Variants in DOCK10 observed in about 807,000 individuals in gnomAD.
DOCK10 encodes dedicator of cytokinesis 10, also known as dedicator of cytokinesis protein 10.
In DOCK10, 145 loss-of-function variants were observed where a neutral mutation model predicts 280.1. The observed-to-expected ratio is 0.52, with a 90% CI of 0.45 to 0.59. The LOEUF is 0.59. Ranked by LOEUF, DOCK10 falls within the 20% of genes least tolerant of loss-of-function variation. The pLI is 0.00. For synonymous variants in DOCK10, 915 were observed against 942.2 expected (o/e 0.97, Z 0.53); for missense variants, 2,368 against 2,651.7 (o/e 0.89, Z 2.35).
At chr2:224,862,968 T>C (rs1283651998) in intron 13 of DOCK10, among the ~76,000 whole-genome samples, 4 of 152,228 alleles carry the variant, frequency 2.6e-5, no homozygotes, top group South Asian at 2.1e-4. Context: ...ATTTCAAATG[T>C]AGAAAATAAT....
At chr2:224,872,243 T>G (rs1347080875) in intron 11 of DOCK10, among the ~76,000 whole-genome samples, 1 of 152,264 alleles carries the variant, frequency 6.6e-6, no homozygotes, top group Non-Finnish European at 1.5e-5. Flanking sequence ...CAATGCAATT[T>G]CTCACATATT....
At chr2:225,006,060 G>C (rs1361146788) in intron 1 of DOCK10, among the ~76,000 whole-genome samples, 1 of 152,006 alleles carries the variant, frequency 6.6e-6, no homozygotes, top group African/African-American at 2.4e-5. Flanking sequence ...TTTTTGGAGG[G>C]GTGAGTATGG....
At chr2:225,030,585 G>A (rs545201145) in intron 1 of DOCK10, among the ~76,000 whole-genome samples, 1 of 152,124 alleles carries the variant, frequency 6.6e-6, no homozygotes, top group Non-Finnish European at 1.5e-5. Context: ...CTACCCAGGC[G>A]CCCACGAGGA....
intron 2 of DOCK10, among the ~76,000 whole-genome samples, chr2:224,920,785 T>C (rs993186402): frequency 6.6e-5 from 10 of 151,980 alleles, no homozygotes; most frequent in Non-Finnish European, 1.0e-4. Flanking sequence ...AAAAAAATAC[T>C]TTAAGTCTGA....
chr2:224,797,370 T>A (rs1692655177), intron 42 of DOCK10, among the ~76,000 whole-genome samples: 1 of 152,096 alleles, frequency 6.6e-6, no homozygotes, highest in Admixed American at 6.5e-5. Context: ...TGTATAAGTA[T>A]CCTTTGTATC....
chr2:224,961,468 T>TCTTTCTTTCTTTC, intron 1 of DOCK10, among the ~76,000 whole-genome samples: 1 of 66,708 alleles, frequency 1.5e-5, no homozygotes, highest in East Asian at 3.9e-4. Flanking sequence ...CTTTCTTTCT[T>TCTTTCTTTCTTTC]TTTCTTTCTT....
Position 224,830,588 on chromosome 2 carries a change from T to C in DOCK10, c.2989A>G (p.Ile997Val). 1 of 1,536,276 alleles carries C rather than the reference T, an allele frequency of 6.5e-7. No homozygotes were observed. Among genetic ancestry groups the C allele is most frequent in the Non-Finnish European group, 8.8e-7 (1 of 1,134,170 alleles). ...LKHSWFFFAI[I>V]LKSMAQHLID... ...AAGTGCTGTGCCATCGATTTTAGGA[T>C]AATTGCAAAGAAGAACCAGGAATGC... The change falls in exon 27 of 56, where the codon ATC (isoleucine) becomes GTC (valine). Residue 997 changes from isoleucine to valine, a missense_variant. Ile to Val is a conservative substitution (Grantham distance 29, BLOSUM62 3). This residue lies in a region of DOCK10 where 1,209 missense variants were observed against 1,250.9 expected (regional missense o/e 0.97). Coordinates refer to ENST00000258390, the MANE Select transcript of DOCK10 (RefSeq NM_014689.3).
intron 50 of DOCK10, among the ~76,000 whole-genome samples, chr2:224,779,726 T>TATACTTCAAAAGCACTTTC (rs1175467828): frequency 2.0e-5 from 3 of 152,230 alleles, no homozygotes; most frequent in Non-Finnish European, 4.4e-5. Flanking sequence ...TATGATGCTT[T>TATACTTCAAAAGCACTTTC]ATACTTCAAA....
At position 224,931,199 on chromosome 2, in the gene DOCK10, G is replaced by C. The variant is rs118124828; in HGVS notation, c.243+350C>G. Among the ~76,000 whole-genome samples, 31 of 152,324 alleles carry C rather than the reference G, an allele frequency of 2.0e-4. No homozygotes were observed. The East Asian group carries it at 5.8e-3, about 28-fold the overall frequency. Reference sequence around the variant, plus strand: ...TCTTTGCCATTGGTTGGTTTCAGTTGCTTGGAAGCTTTCAGTTAGAAATGG... The same window carrying C: ...TCTTTGCCATTGGTTGGTTTCAGTTCCTTGGAAGCTTTCAGTTAGAAATGG... On this transcript the variant is annotated intron_variant, in intron 2 of 55. Transcript: ENST00000258390.
chr2:224,905,278 T>C (rs1308032394), intron 3 of DOCK10, among the ~76,000 whole-genome samples: 1 of 129,246 alleles, frequency 7.7e-6, no homozygotes, highest in Non-Finnish European at 1.5e-5. Context: ...TCTCGCTCTA[T>C]CGCCCAGGCC....
intron 1 of DOCK10, among the ~76,000 whole-genome samples, chr2:224,987,204 CTT>C (rs1322693148): frequency 1.3e-5 from 2 of 152,136 alleles, no homozygotes; most frequent in Non-Finnish European, 2.9e-5. Flanking sequence ...AGGTGGGAAA[CTT>C]TTTCAGCAAA....
At chr2:224,903,585 C>G (rs1442709462) in intron 3 of DOCK10, among the ~76,000 whole-genome samples, 1 of 152,162 alleles carries the variant, frequency 6.6e-6, no homozygotes, top group Non-Finnish European at 1.5e-5. Flanking sequence ...AGTCATTTGT[C>G]AGGACATGAA....
intron 22 of DOCK10, 105 bp from the exon 23 acceptor site, chr2:224,842,001 C>A: frequency 2.5e-6 from 2 of 796,778 alleles, no homozygotes; most frequent in Non-Finnish European, 2.1e-6. Flanking sequence ...ATTGATGCCT[C>A]GAAGTGCAAA....
At chr2:224,874,962 G>C (rs540655255) in intron 8 of DOCK10, among the ~76,000 whole-genome samples, 1 of 152,296 alleles carries the variant, frequency 6.6e-6, no homozygotes, top group African/African-American at 2.4e-5. Context: ...TGGGATTCTT[G>C]CTATGATACC....
At chr2:224,767,139 A>G (rs553325611) in intron 55 of DOCK10, among the ~76,000 whole-genome samples, 1 of 151,740 alleles carries the variant, frequency 6.6e-6, no homozygotes, top group African/African-American at 2.4e-5. Flanking sequence ...ACTTTGGAGC[A>G]CTGATATAAT....
At chr2:224,941,451 G>A (rs1703068039) in intron 1 of DOCK10, among the ~76,000 whole-genome samples, 1 of 152,144 alleles carries the variant, frequency 6.6e-6, no homozygotes, top group Non-Finnish European at 1.5e-5. Flanking sequence ...CCACTTTTGA[G>A]TTTCTGCAGC....
intron 1 of DOCK10, among the ~76,000 whole-genome samples, chr2:224,963,635 C>T (rs1251772486): frequency 1.3e-5 from 2 of 152,164 alleles, no homozygotes; most frequent in African/African-American, 4.8e-5. Flanking sequence ...CAAACCTCTT[C>T]ATGTAAATGA....
intron 3 of DOCK10, among the ~76,000 whole-genome samples, chr2:224,897,420 T>G (rs1176599362): frequency 6.6e-6 from 1 of 152,180 alleles, no homozygotes; most frequent in East Asian, 1.9e-4. Context: ...CCAATTATAC[T>G]CTTTTAGTTA....
intron 2 of DOCK10, among the ~76,000 whole-genome samples, chr2:224,917,099 A>ATTTTTTTTTTT (rs1559754057): frequency 8.3e-5 from 5 of 60,254 alleles, no homozygotes; most frequent in South Asian, 6.1e-4. Context: ...TTCTATTGGA[A>ATTTTTTTTTTT]TCTTTTTTTT....
Sources: allele counts gnomAD v4.1 joint callset (sites outside exome capture counted in the v4.1 genomes callset), GRCh38; gene constraint gnomAD v4.1.1; regional missense constraint gnomAD v4.1.1; transcripts MANE v1.5; gene names NCBI Gene and HGNC (gene_info 2026-07-23, HGNC 2026-07-21).